The following RNF214 variants were observed in gnomAD, a reference collection of about 807,000 sequenced individuals.
RNF214 encodes ring finger protein 214.
A neutral mutation model predicts 75.9 loss-of-function variants in RNF214; 25 were observed. The observed-to-expected ratio is 0.33, with a 90% CI of 0.24 to 0.46. The LOEUF is 0.46. Ranked by LOEUF, RNF214 falls within the 20% of genes least tolerant of loss-of-function variation. The pLI is 1.00. For synonymous variants in RNF214, 314 were observed against 308.8 expected (o/e 1.02, Z -0.18); for missense variants, 725 against 857.5 (o/e 0.85, Z 1.93).
chr11:117,283,231 T>TC (rs2034165794), intron 14 of RNF214, 21 bp downstream of exon 14: 1 of 1,496,560 alleles, frequency 6.7e-7, no homozygotes, highest in Non-Finnish European at 9.2e-7. Flanking sequence ...CAGACCTTCC[T>TC]CATTTTCTAC....
At chr11:117,249,973 T>C (rs1162399389) in intron 6 of RNF214, among the ~76,000 whole-genome samples, 2 of 152,322 alleles carry the variant, frequency 1.3e-5, no homozygotes, top group African/African-American at 4.8e-5. Flanking sequence ...GTGTTTTCAT[T>C]CATTTGTTCA....
At chr11:117,259,799 G>T (rs908494009) in intron 6 of RNF214, among the ~76,000 whole-genome samples, 3 of 151,996 alleles carry the variant, frequency 2.0e-5, no homozygotes, top group Non-Finnish European at 4.4e-5. Flanking sequence ...TGTAGTAGAA[G>T]TTCTTTTTGT....
At chr11:117,236,057 T>C (rs1176543544) in intron 2 of RNF214, among the ~76,000 whole-genome samples, 1 of 151,204 alleles carries the variant, frequency 6.6e-6, no homozygotes, top group Non-Finnish European at 1.5e-5. Context: ...GCCTCCCGGG[T>C]TCAAGTGATT....
rs757922346 is a variant in RNF214 at position 117,282,711 on chromosome 11, C to G, written c.1846-35C>G. 5 of 1,583,974 alleles carry G rather than the reference C, an allele frequency of 3.2e-6. No homozygotes were observed. The South Asian group carries it at 4.4e-5, about 14-fold the overall frequency. ...TGTGATATGCTCTGTTACTCAGACT[C>G]TCTTCCCTTACTCTGACAATGTTTC... On this transcript the variant is annotated intron_variant, in intron 12 of 14. Coordinates refer to ENST00000300650, the MANE Select transcript of RNF214 (RefSeq NM_207343.4).
chr11:117,238,554 G>T (rs678837), intron 2 of RNF214, 47 bp from the exon 3 acceptor site: 947,489 of 1,504,012 alleles, frequency 0.63, 309,027 homozygotes, highest in East Asian at 0.96. Flanking sequence ...CTAGTAGTTA[G>T]GTTGAAAGTA....
intron 1 of RNF214, 28 bp downstream of exon 1, chr11:117,232,754 T>G (rs2032739081): frequency 1.3e-5 from 2 of 149,380 alleles, no homozygotes; most frequent in Non-Finnish European, 3.0e-5. Context: ...CCCACTTTCC[T>G]CCCGGGGGCG....
intron 6 of RNF214, among the ~76,000 whole-genome samples, chr11:117,276,441 C>G (rs773174469): frequency 1.2e-4 from 18 of 152,224 alleles, no homozygotes; most frequent in Non-Finnish European, 2.4e-4. Context: ...GGGACTCTTT[C>G]TCTCAAAAAA....
rs961633135 is a variant in RNF214, at chr11:117,285,732, G to A, written c.*581G>A. On this transcript the variant is annotated 3_prime_UTR_variant, in exon 15 of 15. Coordinates refer to ENST00000300650, the MANE Select transcript of RNF214 (RefSeq NM_207343.4). ...TTATTGAATATTTTACTGTGTTAAC[G>A]CTCATTATTTATACAGACATTAGGT... 3.9e-5 allele frequency: 6 copies of A among 152,302 alleles called. No homozygotes were observed. Among genetic ancestry groups the A allele is most frequent in the African/African-American group, 9.7e-5 (4 of 41,414 alleles). 9.4% of individuals were successfully genotyped at this position (152,302 alleles called of 1,614,324 possible).
At chr11:117,245,839 G>A (rs190555926) in intron 5 of RNF214, among the ~76,000 whole-genome samples, 1 of 152,252 alleles carries the variant, frequency 6.6e-6, no homozygotes, top group African/African-American at 2.4e-5. Context: ...GCATACCTAA[G>A]TATACATGTC....
Position 117,271,376 on chromosome 11 carries a change from G to A in RNF214, c.960-8532G>A, listed in dbSNP as rs529771895. ...AATGCCAGCTCTGTTTGCATTTGCC[G>A]TCCCTGTGCTGCAGACTGGAAACTG... On this transcript the variant is annotated intron_variant, in intron 6 of 14. Transcript: ENST00000300650. Among the ~76,000 whole-genome samples, 10 of 152,276 alleles carry A rather than the reference G, an allele frequency of 6.6e-5. No homozygotes were observed. In the East Asian group the frequency reaches 9.6e-4, roughly 15 times the overall value.
chr11:117,236,741 T>G (rs2032922511), intron 2 of RNF214, among the ~76,000 whole-genome samples: 1 of 152,242 alleles, frequency 6.6e-6, no homozygotes, highest in Non-Finnish European at 1.5e-5. Flanking sequence ...GGTTAGTAAT[T>G]TGCCCAAGGT....
chr11:117,246,478 C>T (rs990447117), intron 5 of RNF214, among the ~76,000 whole-genome samples: 1 of 152,324 alleles, frequency 6.6e-6, no homozygotes, highest in Non-Finnish European at 1.5e-5. Context: ...ACACCTTTCT[C>T]AGCATTCTTG....
intron 4 of RNF214, among the ~76,000 whole-genome samples, chr11:117,243,732 T>G (rs2033141043): frequency 6.6e-6 from 1 of 152,160 alleles, no homozygotes; most frequent in Non-Finnish European, 1.5e-5. Flanking sequence ...TTATTGTTAT[T>G]TTTTGGTAGA....
chr11:117,257,230 G>T (rs959491953), intron 6 of RNF214, among the ~76,000 whole-genome samples: 34 of 152,090 alleles, frequency 2.2e-4, no homozygotes, highest in African/African-American at 8.0e-4. Context: ...CCACTACTTG[G>T]GGGGCAGAGG....
At chr11:117,247,219 G>T (rs1454612796) in intron 6 of RNF214, among the ~76,000 whole-genome samples, 1 of 152,226 alleles carries the variant, frequency 6.6e-6, no homozygotes, top group Non-Finnish European at 1.5e-5. Flanking sequence ...GCTGGACGTA[G>T]CGGCTCACAC....
At chr11:117,254,270 G>A (rs899745483) in intron 6 of RNF214, among the ~76,000 whole-genome samples, 1 of 151,906 alleles carries the variant, frequency 6.6e-6, no homozygotes, top group Non-Finnish European at 1.5e-5. Context: ...AAAACAAAGT[G>A]CATGCTAAAT....
chr11:117,238,516 A>C, intron 2 of RNF214, 85 bp from the exon 3 acceptor site: 1 of 1,130,396 alleles, frequency 8.8e-7, no homozygotes, highest in Non-Finnish European at 1.3e-6. Flanking sequence ...GATAGTCGGG[A>C]GGGTTTACGT....
chr11:117,262,756 T>C (rs1161936552), intron 6 of RNF214, among the ~76,000 whole-genome samples: 2 of 151,114 alleles, frequency 1.3e-5, no homozygotes, highest in African/African-American at 2.4e-5. Context: ...AATTTAGTTA[T>C]ATCAGTTACT....
chr11:117,256,795 C>A (rs2033536916), intron 6 of RNF214, among the ~76,000 whole-genome samples: 1 of 152,164 alleles, frequency 6.6e-6, no homozygotes, highest in Non-Finnish European at 1.5e-5. Flanking sequence ...AGAATGTGAT[C>A]ACTAGGAGGC....
Sources: allele counts gnomAD v4.1 joint callset (sites outside exome capture counted in the v4.1 genomes callset), GRCh38; gene constraint gnomAD v4.1.1; transcripts MANE v1.5; gene names NCBI Gene and HGNC (gene_info 2026-07-23, HGNC 2026-07-21).